RAB5A: variants seen among roughly 807,000 people sequenced by gnomAD.
RAB5A encodes the protein ras-related protein Rab-5A.
Under a neutral mutation model 25.7 loss-of-function variants are expected in RAB5A, and 8 were observed. The observed-to-expected ratio is 0.31, with a 90% CI of 0.18 to 0.56. The LOEUF (loss-of-function observed/expected upper bound fraction) is 0.56. RAB5A is among the 20% of genes least tolerant of loss of function. RAB5A has a pLI of 0.91. For missense variants in RAB5A, 192 were observed against 259.7 expected (o/e 0.74, Z 1.79); for synonymous variants, 98 against 89.8 (o/e 1.09, Z -0.52).
intron 2 of RAB5A, among the ~76,000 whole-genome samples, chr3:19,965,857 C>T (rs2125186365): frequency 6.6e-6 from 1 of 152,118 alleles, no homozygotes; most frequent in East Asian, 1.9e-4. Flanking sequence ...AACCCCCCGC[C>T]CAGTAGCTGG....
chr3:19,951,293 T>TA (rs1696418569), intron 2 of RAB5A: 1 of 403,542 alleles, frequency 2.5e-6, no homozygotes, highest in Non-Finnish European at 4.4e-6. Context: ...AAAATACAGA[T>TA]AAAAAACATG....
chr3:19,959,223 A>G (rs1696549192), intron 2 of RAB5A, among the ~76,000 whole-genome samples: 1 of 152,138 alleles, frequency 6.6e-6, no homozygotes, highest in Admixed American at 6.6e-5. Flanking sequence ...ATATATGGGA[A>G]ATATTAGGTT....
At chr3:19,982,228 A>T (rs1199333518) in intron 5 of RAB5A, among the ~76,000 whole-genome samples, 1 of 152,182 alleles carries the variant, frequency 6.6e-6, no homozygotes, top group African/African-American at 2.4e-5. Flanking sequence ...ACAGAGGGAG[A>T]CCTTGTCTCC....
intron 2 of RAB5A, among the ~76,000 whole-genome samples, chr3:19,963,376 C>CCCCAG (rs869290360): frequency 2.3e-5 from 2 of 86,872 alleles, no homozygotes; most frequent in South Asian, 1.1e-3. Context: ...CCCCCCCCCC[C>CCCCAG]CCGACTTATT....
rs200047397 is a variant in RAB5A at position 19,950,909 on chromosome 3, G to T, written c.11G>T (p.Arg4Leu). MAS[R>L]GATRPNGPNT... The stretch of plus-strand genomic sequence containing the variant: ...ATTTCAAATTTGGACATGGCTAGTC[G>T]AGGCGCAACAAGACCCAACGGGCCA... Residue 4 changes from arginine to leucine, a missense_variant, in exon 2 of 6, where the codon CGA (arginine) becomes CTA (leucine). Arg to Leu is a moderately radical substitution (Grantham distance 102). This residue lies in a region of RAB5A where 32 missense variants were observed against 32.4 expected (regional missense o/e 0.99). Coordinates refer to ENST00000273047, the MANE Select transcript of RAB5A (RefSeq NM_004162.5). The T allele has an allele frequency of 6.2e-7, 1 of 1,610,342 alleles. No homozygotes were observed. Among genetic ancestry groups the T allele is most frequent in the Non-Finnish European group, 8.5e-7 (1 of 1,178,010 alleles).
At chr3:19,973,989 C>G (rs1272391744) in intron 2 of RAB5A, among the ~76,000 whole-genome samples, 1 of 151,904 alleles carries the variant, frequency 6.6e-6, no homozygotes, top group Non-Finnish European at 1.5e-5. Flanking sequence ...AATGGTAATT[C>G]AAGTGCATAC....
chr3:19,963,056 A>G (rs1289813649), intron 2 of RAB5A, among the ~76,000 whole-genome samples: 2 of 151,754 alleles, frequency 1.3e-5, no homozygotes, highest in African/African-American at 4.8e-5. Context: ...CCATCCTCCT[A>G]CCTTGACCTC....
At chr3:19,975,856 C>A (rs1696817268) in intron 3 of RAB5A, 104 bp downstream of exon 3, 1 of 1,367,764 alleles carries the variant, frequency 7.3e-7, no homozygotes, top group South Asian at 1.5e-5. Context: ...ATAGTCATGA[C>A]CTTTCTGCTG....
intron 2 of RAB5A, among the ~76,000 whole-genome samples, chr3:19,959,624 G>GTT (rs1696556732): frequency 2.0e-5 from 2 of 101,760 alleles, no homozygotes; most frequent in Admixed American, 1.4e-4. Flanking sequence ...GTTGTGTTCT[G>GTT]ATTTTTTTTT....
rs115779943 is a variant in RAB5A, at chr3:19,955,588, T to G, written c.163+4527T>G. Among the ~76,000 whole-genome samples, 870 of 152,260 alleles carry G rather than the reference T, an allele frequency of 5.7e-3. 6 individuals are homozygous for G. The highest frequency in any genetic ancestry group is 0.02 in the African/African-American group (828 of 41,558). The stretch of plus-strand genomic sequence containing the variant: ...GGGGGTTTTTTTGAGGTGTGGTGTT[T>G]GTCAGATTTTTAAAAACATTGTTGA... On this transcript the variant is annotated intron_variant, in intron 2 of 5. Coordinates refer to ENST00000273047, the MANE Select transcript of RAB5A (RefSeq NM_004162.5).
In RAB5A at chr3:19,984,166, C is replaced by CA. The variant is rs545893783; in HGVS notation, c.*344dup. ...CATTTCTCCACACTGGTACAGTAGT[C>CA]ACCTGTGAAAAAAAAATTGGAACTT... is the stretch of plus-strand genomic sequence containing the variant. On this transcript the variant is annotated 3_prime_UTR_variant, in exon 6 of 6. Coordinates refer to ENST00000273047, the MANE Select transcript of RAB5A (RefSeq NM_004162.5). 454 of 325,512 alleles carry CA rather than the reference C, an allele frequency of 1.4e-3. 8 individuals are homozygous for CA. Among genetic ancestry groups the CA allele is most frequent in the South Asian group, 7.0e-3 (387 of 55,670 alleles). 20.2% of individuals were successfully genotyped at this position (325,512 alleles called of 1,614,324 possible).
chr3:19,948,496 A>C (rs760794347), intron 1 of RAB5A, among the ~76,000 whole-genome samples: 3 of 152,360 alleles, frequency 2.0e-5, no homozygotes, highest in South Asian at 4.1e-4. Flanking sequence ...GATTTTAACT[A>C]TAGAATGAAT....
rs762397081 is a variant in RAB5A at position 19,974,162 on chromosome 3, C to CT, written c.164-1424dup. ...AATATTGTATCATTTTATAATGCTACTTTTTTTTTTTTTTTGAGACAGAGT... is the reference window on the plus strand; with the variant it reads ...AATATTGTATCATTTTATAATGCTACTTTTTTTTTTTTTTTTGAGACAGAGT... On this transcript the variant is annotated intron_variant, in intron 2 of 5. Transcript: ENST00000273047. Among the ~76,000 whole-genome samples the CT allele has an allele frequency of 7.9e-3, 1,115 of 141,354 alleles. 5 individuals carry two copies. Among genetic ancestry groups the CT allele is most frequent in the Middle Eastern group, 0.043 (12 of 278 alleles). The allele number at this position is 141,354 out of a possible 152,430, so 92.7% of individuals were successfully genotyped here. A position where few individuals can be genotyped will look rare whatever the true frequency, so the allele number is the denominator to read the frequency against.
At chr3:19,958,543 CTAGGT>C (rs1553638509) in intron 2 of RAB5A, among the ~76,000 whole-genome samples, 1 of 152,116 alleles carries the variant, frequency 6.6e-6, no homozygotes, top group Non-Finnish European at 1.5e-5. Flanking sequence ...GTATTGAACT[CTAGGT>C]AAGGATTCTT....
chr3:19,976,434 C>G (rs1696826058), intron 4 of RAB5A, among the ~76,000 whole-genome samples: 1 of 152,112 alleles, frequency 6.6e-6, no homozygotes. Flanking sequence ...GCCTGTAATC[C>G]CAGCACTTTG....
At chr3:19,965,518 C>A (rs1696648692) in intron 2 of RAB5A, among the ~76,000 whole-genome samples, 1 of 151,486 alleles carries the variant, frequency 6.6e-6, no homozygotes, top group Non-Finnish European at 1.5e-5. Flanking sequence ...AGTTGGGTGT[C>A]CCGTAAGGGT....
Position 19,978,302 on chromosome 3 carries a change from G to A in RAB5A, c.439-8G>A, listed in dbSNP as rs150619344. 8.4e-5 allele frequency: 133 copies of A among 1,589,526 alleles called. No individual in the cohort carries two copies. The African/African-American group carries it at 1.6e-3, about 19-fold the overall frequency. ...TCTCATATATCTCATTTTTTGTTCTGTAAACAGGAAGCACAGTCCTATGCA... is the reference window on the plus strand; with the variant it reads ...TCTCATATATCTCATTTTTTGTTCTATAAACAGGAAGCACAGTCCTATGCA... On this transcript the variant is annotated splice_region_variant and splice_polypyrimidine_tract_variant and intron_variant, in intron 4 of 5. Coordinates refer to ENST00000273047, the MANE Select transcript of RAB5A (RefSeq NM_004162.5).
At chr3:19,977,125 G>A (rs1449453537) in intron 4 of RAB5A, among the ~76,000 whole-genome samples, 1 of 150,302 alleles carries the variant, frequency 6.7e-6, no homozygotes, top group African/African-American at 2.5e-5. Context: ...AGGCTGGAGT[G>A]CAGTGGCGCA....
chr3:19,952,443 A>T (rs541979923), intron 2 of RAB5A, among the ~76,000 whole-genome samples: 1 of 152,380 alleles, frequency 6.6e-6, no homozygotes, highest in African/African-American at 2.4e-5. Context: ...GTAGATACCA[A>T]CTGGCATGTG....
Sources: gnomAD v4.1 joint callset for allele counts (sites outside exome capture counted in the v4.1 genomes callset) on GRCh38, gnomAD v4.1.1 for gene constraint, gnomAD v4.1.1 regional missense constraint, MANE v1.5 for transcripts, NCBI Gene and HGNC (gene_info 2026-07-23, HGNC 2026-07-21) for gene names.